The following FHAD1 variants were observed in gnomAD, a reference collection of about 807,000 sequenced individuals.
FHAD1 encodes forkhead associated phosphopeptide binding domain 1.
In FHAD1, 146 loss-of-function variants were observed where a neutral mutation model predicts 191.3. The observed-to-expected ratio is 0.76, with a 90% CI of 0.67 to 0.88. The LOEUF (loss-of-function observed/expected upper bound fraction) is 0.88, where lower values mean the gene tolerates loss of function less well. Ranked by LOEUF, FHAD1 falls within the 40% of genes least tolerant of loss-of-function variation. The pLI, the probability that FHAD1 is intolerant of heterozygous loss-of-function variation, is 0.00. For missense variants in FHAD1, 1,635 were observed against 1,785.8 expected (o/e 0.92, Z 1.52); for synonymous variants, 616 against 672.3 (o/e 0.92, Z 1.29).
intron 21 of FHAD1, among the ~76,000 whole-genome samples, chr1:15,358,720 A>C (rs903977737): frequency 6.6e-6 from 1 of 152,204 alleles, no homozygotes; most frequent in African/African-American, 2.4e-5. Context: ...AAGACAATGC[A>C]TTAAAGTGTA....
At chr1:15,359,932 A>G (rs1489069428) in intron 21 of FHAD1, among the ~76,000 whole-genome samples, 1 of 152,002 alleles carries the variant, frequency 6.6e-6, no homozygotes, top group Non-Finnish European at 1.5e-5. Context: ...CCTGGGTGAC[A>G]GAGAGAGACT....
In FHAD1 at chr1:15,328,285, G is replaced by C; in HGVS notation, c.1566G>C (p.Glu522Asp). 7.0e-7 allele frequency: 1 copy of C among 1,419,818 alleles called. No homozygotes were observed. Among genetic ancestry groups the C allele is most frequent in the Non-Finnish European group, 9.2e-7 (1 of 1,082,834 alleles). The allele number at this position is 1,419,818 out of a possible 1,614,324, so 88.0% of individuals were successfully genotyped here. Residue 522 changes from glutamate to aspartate, a missense_variant, in exon 13 of 34, where the codon GAG (glutamate) becomes GAC (aspartate). Physicochemically the swap from Glu to Asp is conservative, Grantham distance 45. Transcript: ENST00000688493. ...TTTCTTTTTCTCACCAGTTAATAGAGAAAATTACCCAGGTCACTGAGGACA... is the reference window on the plus strand; with the variant it reads ...TTTCTTTTTCTCACCAGTTAATAGACAAAATTACCCAGGTCACTGAGGACA... The part of the protein sequence containing the change: ...DKPVTDQQLI[E>D]KITQVTEDNI...
intron 5 of FHAD1, among the ~76,000 whole-genome samples, chr1:15,299,286 C>A (rs1288948770): frequency 6.6e-6 from 1 of 151,396 alleles, no homozygotes; most frequent in African/African-American, 2.4e-5. Flanking sequence ...AAAAGCCAAC[C>A]AGCTTCAGGC....
chr1:15,272,559 G>A, intron 3 of FHAD1, 30 bp downstream of exon 3: 1 of 1,526,120 alleles, frequency 6.6e-7, no homozygotes. Flanking sequence ...GGATAGAGGG[G>A]CCATGTCGCC....
intron 10 of FHAD1, 92 bp from the exon 11 acceptor site, chr1:15,324,359 AC>A (rs565128766): frequency 2.0e-6 from 2 of 1,002,802 alleles, no homozygotes; most frequent in Non-Finnish European, 3.1e-6. Context: ...CCCCTCTGGG[AC>A]CCCCCACGGC....
chr1:15,371,197 A>T (rs1697981637), intron 26 of FHAD1, among the ~76,000 whole-genome samples: 1 of 152,136 alleles, frequency 6.6e-6, no homozygotes, highest in South Asian at 2.1e-4. Flanking sequence ...ACTATTGAGC[A>T]CCTGCTGTGT....
chr1:15,363,977 C>T (rs925273278), intron 23 of FHAD1: 1 of 342,168 alleles, frequency 2.9e-6, no homozygotes, highest in Non-Finnish European at 5.7e-6. Context: ...TACTCAGCCT[C>T]CGCATTGTGA....
At chr1:15,387,910 G>T (rs967252232) in intron 31 of FHAD1, 141 bp from the exon 32 acceptor site, 12 of 386,966 alleles carry the variant, frequency 3.1e-5, no homozygotes, top group Non-Finnish European at 5.6e-5. Context: ...AGACTCTCCC[G>T]CAGTGATCCC....
rs528126615 is a variant in FHAD1, at chr1:15,289,639, G to A, written c.541G>A (p.Ala181Thr). ...KEMFSFVVDD[A>T]RKPPVIKQVW... ...GATGTTCTCGTTCGTGGTGGACGAC[G>A]CCCGCAAGCCACCCGTCATCAAGCA... is the stretch of plus-strand genomic sequence containing the variant. Residue 181 changes from alanine (A) to threonine (T), a missense_variant, in exon 4 of 34, where the codon GCC (alanine) becomes ACC (threonine). By Grantham distance (58) the Ala-to-Thr change is moderately conservative. Transcript: ENST00000688493. The surrounding 1 kb of genome is among the most constrained non-coding windows in gnomAD (Gnocchi z 4.2). 19 of 1,550,204 alleles carry A rather than the reference G, an allele frequency of 1.2e-5. No homozygotes were observed. Among genetic ancestry groups the A allele is most frequent in the South Asian group, 4.8e-5 (4 of 84,022 alleles).
intron 5 of FHAD1, among the ~76,000 whole-genome samples, chr1:15,297,657 G>A (rs1308849984): frequency 6.6e-6 from 1 of 152,150 alleles, no homozygotes; most frequent in African/African-American, 2.4e-5. Flanking sequence ...AATTCTATGG[G>A]TTGCCTTGGA....
chr1:15,239,854 C>G (rs963696720), intron 1 of FHAD1, among the ~76,000 whole-genome samples: 2 of 151,984 alleles, frequency 1.3e-5, no homozygotes, highest in African/African-American at 4.8e-5. Flanking sequence ...GGTACCAGCG[C>G]TTTGGAAAAA....
Position 15,317,946 on chromosome 1 carries a change from G to A in FHAD1, c.1365+18G>A, listed in dbSNP as rs1675007620. On this transcript the variant is annotated intron_variant, in intron 10 of 33. Coordinates refer to ENST00000688493, the MANE Select transcript of FHAD1 (RefSeq NM_001391957.1). ...AAAGCAAGGTACGTAGTGGACAACAGGCCCAGAGAGTGGTGTGGGCGGTAG... is the reference window on the plus strand; with the variant it reads ...AAAGCAAGGTACGTAGTGGACAACAAGCCCAGAGAGTGGTGTGGGCGGTAG... 2.7e-6 allele frequency: 4 copies of A among 1,497,136 alleles called. No individual in the cohort carries two copies. The South Asian group carries it at 4.8e-5, about 18-fold the overall frequency. 92.7% of individuals were successfully genotyped at this position (1,497,136 alleles called of 1,614,324 possible).
chr1:15,278,816 T>C (rs1369511117), intron 3 of FHAD1, among the ~76,000 whole-genome samples: 1 of 152,230 alleles, frequency 6.6e-6, no homozygotes, highest in Non-Finnish European at 1.5e-5. Context: ...CATACATGTA[T>C]ATGCATTTGC....
chr1:15,360,441 C>T (rs1558224595), intron 21 of FHAD1, 37 bp from the exon 22 acceptor site: 1 of 1,528,734 alleles, frequency 6.5e-7, no homozygotes, highest in Admixed American at 2.0e-5. Context: ...TCATACACAG[C>T]TCCCAAGACC....
rs1674395062 is a variant in FHAD1, at chr1:15,316,224, C to T, written c.1171-154C>T. On this transcript the variant is annotated intron_variant, in intron 8 of 33. Coordinates refer to ENST00000688493, the MANE Select transcript of FHAD1 (RefSeq NM_001391957.1). The surrounding 1 kb of genome is among the most constrained non-coding windows in gnomAD (Gnocchi z 4.3). Reference sequence around the variant, plus strand: ...TGGGATCCTGTGTGCCCGTCAGACACCATGGGATGCCTTTTGGGATCTCAG... The same window carrying T: ...TGGGATCCTGTGTGCCCGTCAGACATCATGGGATGCCTTTTGGGATCTCAG... 6.6e-6 allele frequency among the ~76,000 whole-genome samples: 1 copy of T among 152,220 alleles called. No individual in the cohort carries two copies. Among genetic ancestry groups the T allele is most frequent in the Admixed American group, 6.5e-5 (1 of 15,282 alleles).
At chr1:15,376,958 T>C (rs1000797820) in intron 28 of FHAD1, among the ~76,000 whole-genome samples, 1 of 152,184 alleles carries the variant, frequency 6.6e-6, no homozygotes, top group Non-Finnish European at 1.5e-5. Context: ...GGAAGATCAC[T>C]TGAGCTCAGG....
chr1:15,365,949 G>A lies in FHAD1; in HGVS notation c.3154+16G>A, dbSNP rs1220010975. Reference sequence around the variant, plus strand: ...GATTTGAGAGGTTTGAACAATTTCTGGTGTCTCTTGACCTCCTGACCCACT... The same window carrying A: ...GATTTGAGAGGTTTGAACAATTTCTAGTGTCTCTTGACCTCCTGACCCACT... On this transcript the variant is annotated intron_variant, in intron 24 of 33. Coordinates refer to ENST00000688493, the MANE Select transcript of FHAD1 (RefSeq NM_001391957.1). 1.3e-6 allele frequency: 2 copies of A among 1,515,178 alleles called. No homozygotes were observed. Among genetic ancestry groups the A allele is most frequent in the South Asian group, 2.4e-5 (2 of 83,260 alleles). The allele number at this position is 1,515,178 out of a possible 1,614,324, so 93.9% of individuals were successfully genotyped here.
chr1:15,354,046 TAAATTTAAATATAGGTGA>T (rs1361991235), intron 20 of FHAD1, among the ~76,000 whole-genome samples: 1 of 152,164 alleles, frequency 6.6e-6, no homozygotes, highest in Non-Finnish European at 1.5e-5. Context: ...AATCATGGGT[TAAATTTAAATATAGGTGA>T]CTATGACTTC....
intron 28 of FHAD1, among the ~76,000 whole-genome samples, chr1:15,376,357 T>C (rs1458238445): frequency 6.6e-6 from 1 of 152,216 alleles, no homozygotes; most frequent in African/African-American, 2.4e-5. Flanking sequence ...CCCAAAGTGC[T>C]GGGATGACAG....
Sources: gnomAD v4.1 joint callset for allele counts (sites outside exome capture counted in the v4.1 genomes callset) on GRCh38, gnomAD v4.1.1 for gene constraint, Gnocchi (gnomAD v3.1) non-coding constraint, MANE v1.5 for transcripts, NCBI Gene and HGNC (gene_info 2026-07-23, HGNC 2026-07-21) for gene names.